The following DNAH11 variants were observed in gnomAD, a reference collection of about 807,000 sequenced individuals.
The protein encoded by DNAH11 is dynein axonemal heavy chain 11, also known as axonemal beta dynein heavy chain 11.
In DNAH11, 442 loss-of-function variants were observed where a neutral mutation model predicts 526.0. The ratio of observed to expected loss-of-function variants is 0.84; its 90% confidence interval spans 0.78 to 0.91. The LOEUF (loss-of-function observed/expected upper bound fraction) is 0.91, where lower values mean the gene tolerates loss of function less well. Among genes scored for constraint, DNAH11 ranks in the 40% least tolerant of loss-of-function variants. The pLI is 0.00. For missense variants in DNAH11, 6,989 were observed against 5,448.7 expected (o/e 1.28, Z -8.90); for synonymous variants, 2,461 against 1,935.9 (o/e 1.27, Z -7.12).
At chr7:21,626,745 C>CTTTTTTTTTT (rs34136253) in intron 25 of DNAH11, among the ~76,000 whole-genome samples, 3 of 66,400 alleles carry the variant, frequency 4.5e-5, no homozygotes, top group African/African-American at 6.0e-5. Flanking sequence ...TTCTGTATGT[C>CTTTTTTTTTT]TTTTTTTTTT....
chr7:21,736,107 C>G (rs1463846782), intron 46 of DNAH11, among the ~76,000 whole-genome samples: 1 of 152,106 alleles, frequency 6.6e-6, no homozygotes, highest in African/African-American at 2.4e-5. Flanking sequence ...TAATGTGTTA[C>G]CTCGAAACCA....
In DNAH11 at chr7:21,864,656, A is replaced by ATT. The variant is rs1023074296; in HGVS notation, c.11495_11496insTT (p.Lys3832AsnfsTer13). On this transcript the variant is annotated frameshift_variant and splice_region_variant, in exon 70 of 82. Transcript: ENST00000409508. LOFTEE classifies it high-confidence loss of function. The stretch of plus-strand genomic sequence containing the variant: ...ACTTCTCAGTCATGGAGTGCTATCA[A>ATT]GGTATGTTAGGAATACAGTTTCTCA... 6.3e-7 allele frequency: 1 copy of ATT among 1,587,260 alleles called. No homozygotes were observed. The highest frequency in any genetic ancestry group is 1.4e-5 in the African/African-American group (1 of 73,946).
intron 8 of DNAH11, among the ~76,000 whole-genome samples, chr7:21,573,449 C>T (rs1385978246): frequency 6.6e-6 from 1 of 152,082 alleles, no homozygotes; most frequent in African/African-American, 2.4e-5. Flanking sequence ...AAAATTAAAA[C>T]ATGAATTAAC....
chr7:21,733,556 C>T lies in DNAH11; in HGVS notation c.7441-2084C>T, dbSNP rs1482529312. Among the ~76,000 whole-genome samples the T allele has an allele frequency of 2.0e-5, 3 of 152,224 alleles. No individual in the cohort carries two copies. In the East Asian group the frequency reaches 5.8e-4, roughly 29 times the overall value. Reference sequence around the variant, plus strand: ...GAGAACCTGTTATCAACCAAGACTGCTGAAGACCTGAAAACTGGTATCACA... The same window carrying T: ...GAGAACCTGTTATCAACCAAGACTGTTGAAGACCTGAAAACTGGTATCACA... On this transcript the variant is annotated intron_variant, in intron 45 of 81. Transcript: ENST00000409508.
chr7:21,543,284 C>T lies in DNAH11; in HGVS notation c.39C>T (p.Phe13=). ...AQVAAREARD[F]REAPTLRLTS... ...TGGCAGCCCGGGAGGCGCGAGACTT[C>T]AGAGAAGCCCCGACCCTTCGCCTAA... The change falls in exon 1 of 82, where the codon TTC becomes TTT. Residue 13 remains phenylalanine, a synonymous_variant. Transcript: ENST00000409508. 2 of 1,544,632 alleles carry T rather than the reference C, an allele frequency of 1.3e-6. No individual in the cohort carries two copies. The highest frequency in any genetic ancestry group is 1.7e-6 in the Non-Finnish European group (2 of 1,143,800).
At position 21,816,667 on chromosome 7, in the gene DNAH11, A is replaced by G; in HGVS notation, c.10533A>G (p.Gly3511=). Residue 3511 remains glycine (G), a synonymous_variant, in exon 64 of 82, where the codon GGA becomes GGG. Coordinates refer to ENST00000409508, the MANE Select transcript of DNAH11 (RefSeq NM_001277115.2). Reference sequence around the variant, plus strand: ...TTAAGTGGATCAAGAATAAGTATGGAATGGACCTGAAAGTCACACATTTGG... The same window carrying G: ...TTAAGTGGATCAAGAATAAGTATGGGATGGACCTGAAAGTCACACATTTGG... ...QGIKWIKNKY[G]MDLKVTHLGQ... 6.2e-7 allele frequency: 1 copy of G among 1,613,638 alleles called. No individual in the cohort carries two copies. The highest frequency in any genetic ancestry group is 1.1e-5 in the South Asian group (1 of 91,024).
chr7:21,848,297 T>G (rs1023785817), intron 66 of DNAH11, among the ~76,000 whole-genome samples: 2 of 152,022 alleles, frequency 1.3e-5, no homozygotes, highest in Non-Finnish European at 2.9e-5. Flanking sequence ...CACCCCAGCT[T>G]TCTTTCGATT....
At chr7:21,810,016 G>C (rs551878327) in intron 63 of DNAH11, among the ~76,000 whole-genome samples, 177 of 152,166 alleles carry the variant, frequency 1.2e-3, no homozygotes, top group Non-Finnish European at 2.0e-3. Context: ...ATCAAACTCA[G>C]ATCATCATGT....
chr7:21,758,440 A>G (rs1029711153), intron 54 of DNAH11, among the ~76,000 whole-genome samples: 1 of 152,180 alleles, frequency 6.6e-6, no homozygotes. Context: ...GTAGCCATTC[A>G]TCATTCAGCA....
At chr7:21,660,944 G>T (rs1782218779) in intron 30 of DNAH11, among the ~76,000 whole-genome samples, 1 of 151,764 alleles carries the variant, frequency 6.6e-6, no homozygotes, top group Non-Finnish European at 1.5e-5. Flanking sequence ...TCTTTATATG[G>T]ATATACCAGA....
At chr7:21,709,189 A>G (rs1302041572) in intron 40 of DNAH11, among the ~76,000 whole-genome samples, 1 of 152,220 alleles carries the variant, frequency 6.6e-6, no homozygotes, top group East Asian at 1.9e-4. Flanking sequence ...GTGCCCATTA[A>G]TGGTGGATTA....
intron 6 of DNAH11, among the ~76,000 whole-genome samples, chr7:21,567,951 G>A (rs191146133): frequency 1.3e-4 from 20 of 152,180 alleles, no homozygotes; most frequent in African/African-American, 4.3e-4. Context: ...TAGACACTAC[G>A]TTGTCTATTC....
At chr7:21,774,234 G>A (rs1321609166) in intron 56 of DNAH11, among the ~76,000 whole-genome samples, 1 of 152,170 alleles carries the variant, frequency 6.6e-6, no homozygotes, top group Non-Finnish European at 1.5e-5. Context: ...GTGTAAGGTA[G>A]TGTGGGATAT....
chr7:21,855,414 C>A (rs1782805788), intron 68 of DNAH11, among the ~76,000 whole-genome samples: 1 of 152,144 alleles, frequency 6.6e-6, no homozygotes, highest in Admixed American at 6.5e-5. Flanking sequence ...GCTCATATTT[C>A]TTTGCTAAAG....
Position 21,818,270 on chromosome 7 carries a change from A to C in DNAH11, c.10622A>C (p.Glu3541Ala), listed in dbSNP as rs773188999. The C allele has an allele frequency of 3.7e-6, 6 of 1,612,332 alleles. No homozygotes were observed. The East Asian group carries it at 1.3e-4, about 36-fold the overall frequency. ...ALAFGDVILI[E>A]NLEETIDPVL... ...GCCTTTGGTGATGTCATCTTAATTG[A>C]AAATCTCGAGGAAACGATAGATCCA... is the stretch of plus-strand genomic sequence containing the variant. The change falls in exon 65 of 82, where the codon GAA becomes GCA. Residue 3541 changes from glutamate (E) to alanine (A), a missense_variant. Physicochemically the swap from Glu to Ala is moderately radical, Grantham distance 107. Transcript: ENST00000409508.
chr7:21,736,362 T>C lies in DNAH11; in HGVS notation c.7645+518T>C, dbSNP rs996190715. The stretch of plus-strand genomic sequence containing the variant: ...GATTTGGGGCATTCCCAGAGTTAGG[T>C]AGGGTGAGCAAAAGAGACATGGGAT... On this transcript the variant is annotated intron_variant, in intron 46 of 81. Transcript: ENST00000409508. 8.6e-5 allele frequency among the ~76,000 whole-genome samples: 13 copies of C among 151,890 alleles called. No individual in the cohort carries two copies. In the East Asian group the frequency reaches 2.5e-3, roughly 29 times the overall value.
Position 21,545,166 on chromosome 7 carries a change from A to ATG in DNAH11, c.495+17_495+18insTG, listed in dbSNP as rs1365361346. The ATG allele has an allele frequency of 6.3e-7, 1 of 1,588,326 alleles. No homozygotes were observed. The highest frequency in any genetic ancestry group is 1.8e-5 in the Admixed American group (1 of 56,780). On this transcript the variant is annotated intron_variant, in intron 2 of 81. Coordinates refer to ENST00000409508, the MANE Select transcript of DNAH11 (RefSeq NM_001277115.2). ...CTTGATGAGGTACTGGTCTGTCTTT[A>ATG]ATATTTAAAGCTTTCACTTATCTCC...
chr7:21,605,405 C>T (rs1785242836), intron 18 of DNAH11, among the ~76,000 whole-genome samples: 1 of 152,198 alleles, frequency 6.6e-6, no homozygotes, highest in African/African-American at 2.4e-5. Flanking sequence ...AATTATGCTC[C>T]ATGCATTGCT....
At chr7:21,837,107 G>A (rs553859466) in intron 65 of DNAH11, among the ~76,000 whole-genome samples, 87 of 152,282 alleles carry the variant, frequency 5.7e-4, no homozygotes, top group African/African-American at 1.9e-3. Flanking sequence ...TGCTAGAATG[G>A]ATGTGGAGAA....
Sources: allele counts gnomAD v4.1 joint callset (sites outside exome capture counted in the v4.1 genomes callset), GRCh38; gene constraint gnomAD v4.1.1; transcripts MANE v1.5; gene names NCBI Gene and HGNC (gene_info 2026-07-23, HGNC 2026-07-21).